CSMD1: variants seen among roughly 807,000 people sequenced by gnomAD.
CSMD1 encodes the protein CUB and sushi domain-containing protein 1.
CSMD1 carries 213 observed loss-of-function variants against 417.5 expected under a neutral mutation model. The ratio of observed to expected loss-of-function variants is 0.51; its 90% CI spans 0.46 to 0.57. The LOEUF is 0.57. Ranked by LOEUF, CSMD1 falls within the 20% of genes least tolerant of loss-of-function variation. The pLI is 0.00. For synonymous variants in CSMD1, 2,862 were observed against 1,736.8 expected, an observed-to-expected ratio of 1.65 and a Z score of -16.11; for missense variants, 6,923 against 4,529.7, an observed-to-expected ratio of 1.53 and a Z score of -15.17.
chr8:4,680,933 C>T (rs1414059628), intron 1 of CSMD1, among the ~76,000 whole-genome samples: 1 of 142,732 alleles, frequency 7.0e-6, no homozygotes, highest in African/African-American at 2.6e-5. Context: ...ACACAAACCC[C>T]TAATCTATCT....
chr8:4,869,677 C>T (rs937063454), intron 1 of CSMD1, among the ~76,000 whole-genome samples: 5 of 151,892 alleles, frequency 3.3e-5, no homozygotes, highest in African/African-American at 1.2e-4. Context: ...ATTAGGGCAC[C>T]ATTTTCTCTG....
At chr8:4,824,418 A>T (rs1203202954) in intron 1 of CSMD1, among the ~76,000 whole-genome samples, 2 of 152,130 alleles carry the variant, frequency 1.3e-5, no homozygotes, top group Non-Finnish European at 2.9e-5. Flanking sequence ...CTCTAAGCTA[A>T]CATGTGGTTC....
intron 3 of CSMD1, among the ~76,000 whole-genome samples, chr8:4,398,816 G>A (rs1448854557): frequency 1.3e-5 from 2 of 152,040 alleles, no homozygotes; most frequent in Non-Finnish European, 2.9e-5. Context: ...TATCTTGTGT[G>A]GTATTTTCTT....
chr8:4,529,615 G>A (rs79531944), intron 2 of CSMD1, among the ~76,000 whole-genome samples: 6,614 of 152,108 alleles, frequency 0.043, 494 homozygotes, highest in African/African-American at 0.15. Flanking sequence ...ATTTAACAAA[G>A]ACAAAAGACA....
chr8:3,793,093 C>T (rs1434472633), intron 5 of CSMD1, among the ~76,000 whole-genome samples: 1 of 152,106 alleles, frequency 6.6e-6, no homozygotes, highest in Non-Finnish European at 1.5e-5. Flanking sequence ...ATTAACACTT[C>T]CAAAAGTGTC....
chr8:4,008,860 T>G (rs955512415), intron 4 of CSMD1, among the ~76,000 whole-genome samples: 8 of 152,084 alleles, frequency 5.3e-5, no homozygotes, highest in Non-Finnish European at 1.0e-4. Flanking sequence ...TCCGTCCGCC[T>G]CGGCCTCCCA....
chr8:4,079,443 G>A (rs976601422), intron 3 of CSMD1, among the ~76,000 whole-genome samples: 1 of 152,132 alleles, frequency 6.6e-6, no homozygotes, highest in African/African-American at 2.4e-5. Context: ...AACACCATCA[G>A]GCAGCTCCAT....
At chr8:4,097,515 C>A (rs77901156) in intron 3 of CSMD1, among the ~76,000 whole-genome samples, 1 of 152,180 alleles carries the variant, frequency 6.6e-6, no homozygotes, top group African/African-American at 2.4e-5. Context: ...TGTCTTGTTG[C>A]CCCTGGTGTG....
chr8:3,015,681 C>T (rs561637339), intron 52 of CSMD1, among the ~76,000 whole-genome samples: 10 of 152,028 alleles, frequency 6.6e-5, no homozygotes, highest in East Asian at 3.9e-4. Context: ...TCGTTTACCC[C>T]GGCATGGTCC....
chr8:4,083,364 A>C (rs1241005192), intron 3 of CSMD1, among the ~76,000 whole-genome samples: 1 of 152,184 alleles, frequency 6.6e-6, no homozygotes, highest in Non-Finnish European at 1.5e-5. Context: ...TCTGATGGCC[A>C]GTGATGGTGA....
Position 3,849,530 on chromosome 8 carries a change from A to T in CSMD1, c.819-95488T>A, listed in dbSNP as rs1442713418. ...AATGAGTAGCTCGACGGTTAGAATG[A>T]CGACTTCAGCAGAAATTGGTATCTG... On this transcript the variant is annotated intron_variant, in intron 5 of 69. Transcript: ENST00000635120. Among the ~76,000 whole-genome samples the T allele has an allele frequency of 2.6e-5, 4 of 152,200 alleles. No individual in the cohort carries two copies. In the East Asian group the frequency reaches 7.7e-4, roughly 29 times the overall value.
In CSMD1 at chr8:3,396,249, C is replaced by T. The variant is rs1229446270; in HGVS notation, c.2538G>A (p.Leu846=). Residue 846 remains leucine (L), a synonymous_variant, in exon 17 of 70, where the codon CTG becomes CTA. Coordinates refer to ENST00000635120, the MANE Select transcript of CSMD1 (RefSeq NM_033225.6). ...FLISTGNFMY[L]LFTTDNSRSS... ...AGCGGCTGTTGTCAGTGGTGAACAG[C>T]AGGTACATGAAGTTCCCGGTGCTGA... 2 of 1,579,940 alleles carry T rather than the reference C, an allele frequency of 1.3e-6. No individual in the cohort carries two copies. Among genetic ancestry groups the T allele is most frequent in the Non-Finnish European group, 1.7e-6 (2 of 1,162,756 alleles).
chr8:4,031,961 C>T lies in CSMD1; in HGVS notation c.554G>A (p.Cys185Tyr). 1 of 1,613,928 alleles carries T rather than the reference C, an allele frequency of 6.2e-7. No individual in the cohort carries two copies. Among genetic ancestry groups the T allele is most frequent in the Non-Finnish European group, 8.5e-7 (1 of 1,179,858 alleles). ...YILEGHAILTCIVSPGNGASW... is the reference protein window; with the variant it reads ...YILEGHAILTYIVSPGNGASW... ...TGCACCATTTCCTGGGCTGACGATG[C>T]AGGTCAGGATGGCGTGGCCTTCCAA... The change falls in exon 4 of 70, where the codon TGC becomes TAC. Residue 185 changes from cysteine (C) to tyrosine (Y), a missense_variant. Coordinates refer to ENST00000635120, the MANE Select transcript of CSMD1 (RefSeq NM_033225.6).
chr8:4,899,168 C>T (rs79162405), intron 1 of CSMD1, among the ~76,000 whole-genome samples: 2,748 of 152,278 alleles, frequency 0.018, 85 homozygotes, highest in African/African-American at 0.063. Context: ...TTTCTCTCAA[C>T]TGCATTTATA....
At chr8:4,817,639 A>G (rs1659837553) in intron 1 of CSMD1, among the ~76,000 whole-genome samples, 1 of 152,374 alleles carries the variant, frequency 6.6e-6, no homozygotes, top group East Asian at 1.9e-4. Flanking sequence ...ATTTAATAAC[A>G]TGCATAAAAT....
At chr8:4,208,348 C>T (rs1437295340) in intron 3 of CSMD1, among the ~76,000 whole-genome samples, 1 of 152,094 alleles carries the variant, frequency 6.6e-6, no homozygotes, top group African/African-American at 2.4e-5. Flanking sequence ...TTGAATCCTT[C>T]CTGGAGTAAG....
At chr8:4,030,044 G>C (rs565783294) in intron 4 of CSMD1, among the ~76,000 whole-genome samples, 130 of 152,304 alleles carry the variant, frequency 8.5e-4, no homozygotes, top group Admixed American at 1.1e-3. Flanking sequence ...TCTTGGGCAG[G>C]TGTACCCCTG....
chr8:3,487,663 T>C (rs1053499724), intron 11 of CSMD1, among the ~76,000 whole-genome samples: 1 of 152,204 alleles, frequency 6.6e-6, no homozygotes, highest in East Asian at 1.9e-4. Flanking sequence ...AATTGCCAGA[T>C]AGAATTTTCA....
rs1190528138 is a variant in CSMD1 at position 3,108,523 on chromosome 8, G to C, written c.6754+80C>G. On this transcript the variant is annotated intron_variant, in intron 44 of 69. Transcript: ENST00000635120. ...CGGCTGAATCAAGAAACTTCAGCTG[G>C]AAACAAGGCGTGGGACAACACTGCA... 2.1e-6 allele frequency: 3 copies of C among 1,433,136 alleles called. No individual in the cohort carries two copies. In the Admixed American group the frequency reaches 6.1e-5, roughly 29 times the overall value. The allele number at this position is 1,433,136 out of a possible 1,614,324, so 88.8% of individuals were successfully genotyped here. A position where few individuals can be genotyped will look rare whatever the true frequency, so the allele number is the denominator to read the frequency against.
Sources: gnomAD v4.1 joint callset for allele counts (sites outside exome capture counted in the v4.1 genomes callset) on GRCh38, gnomAD v4.1.1 for gene constraint, MANE v1.5 for transcripts, NCBI Gene and HGNC (gene_info 2026-07-23, HGNC 2026-07-21) for gene names.